The following MMRN2 variants were observed in gnomAD, a reference collection of about 807,000 sequenced individuals.
MMRN2 encodes the protein multimerin 2.
In MMRN2, 53 loss-of-function variants were observed where a neutral mutation model predicts 68.8. That is an observed-to-expected ratio of 0.77 (90% CI 0.62 to 0.97). The LOEUF (loss-of-function observed/expected upper bound fraction) is 0.97. Ranked by LOEUF, MMRN2 falls within the 50% of genes least tolerant of loss-of-function variation. The probability of loss-of-function intolerance (pLI) is 0.00; values close to 1 mark genes in which losing one functional copy is unlikely to be tolerated. For missense variants in MMRN2, 1,266 were observed against 1,259.5 expected (o/e 1.01, Z -0.08); for synonymous variants, 564 against 551.6 (o/e 1.02, Z -0.32).
In MMRN2 at chr10:86,957,566, C is replaced by T; in HGVS notation, c.-25G>A. Reference sequence around the variant, plus strand: ...TCTTGGTGGTGGGGCAGGCTCAGCTCACACTCAGCCTTGGCAAGTAGCTCC... The same window carrying T: ...TCTTGGTGGTGGGGCAGGCTCAGCTTACACTCAGCCTTGGCAAGTAGCTCC... On this transcript the variant is annotated 5_prime_UTR_variant, in exon 1 of 7. Coordinates refer to ENST00000372027, the MANE Select transcript of MMRN2 (RefSeq NM_024756.3). The T allele has an allele frequency of 6.3e-7, 1 of 1,582,366 alleles. No individual in the cohort carries two copies. Among genetic ancestry groups the T allele is most frequent in the Non-Finnish European group, 8.6e-7 (1 of 1,166,274 alleles).
intron 6 of MMRN2, among the ~76,000 whole-genome samples, chr10:86,938,122 C>G (rs572231406): frequency 3.3e-5 from 5 of 151,980 alleles, no homozygotes; most frequent in African/African-American, 4.8e-5. Context: ...TTTGTAGAGA[C>G]AGAGTCTTGC....
At chr10:86,945,759 C>T (rs755140472) in intron 1 of MMRN2, 70 bp from the exon 2 acceptor site, 3 of 1,606,528 alleles carry the variant, frequency 1.9e-6, no homozygotes, top group South Asian at 2.2e-5. Flanking sequence ...AGTGCAGAGC[C>T]ACCGGTCCTC....
rs751166824 is a variant in MMRN2 at position 86,943,769 on chromosome 10, T to G, written c.1015A>C (p.Arg339=). The change falls in exon 6 of 7, where the codon AGG becomes CGG. Residue 339 remains arginine (R), a synonymous_variant. Transcript: ENST00000372027. The surrounding 1 kb of genome is among the most constrained non-coding windows in gnomAD (Gnocchi z 4.2). ...GGGGCCTCCTGAGCCTTGTGCAGCCTCTTCAATTTGGTGTCCACATCGGCT... is the reference window on the plus strand; with the variant it reads ...GGGGCCTCCTGAGCCTTGTGCAGCCGCTTCAATTTGGTGTCCACATCGGCT... The part of the protein sequence containing the change: ...LQADVDTKLK[R]LHKAQEAPGT... The G allele has an allele frequency of 1.2e-6, 2 of 1,608,564 alleles. No individual in the cohort carries two copies. Among genetic ancestry groups the G allele is most frequent in the Admixed American group, 1.7e-5 (1 of 60,026 alleles).
chr10:86,940,327 GAAC>G (rs1843950087), intron 6 of MMRN2, among the ~76,000 whole-genome samples: 1 of 152,076 alleles, frequency 6.6e-6, no homozygotes, highest in Admixed American at 6.6e-5. Flanking sequence ...TTGTTTTTAA[GAAC>G]AACATTTTTT....
At chr10:86,939,674 C>CG (rs1491273943) in intron 6 of MMRN2, among the ~76,000 whole-genome samples, 3 of 151,680 alleles carry the variant, frequency 2.0e-5, no homozygotes, top group Non-Finnish European at 2.9e-5. Flanking sequence ...GAGAGACCCC[C>CG]ACCCCAACCC....
At chr10:86,947,056 T>A (rs1488080824) in intron 1 of MMRN2, among the ~76,000 whole-genome samples, 1 of 151,894 alleles carries the variant, frequency 6.6e-6, no homozygotes, top group African/African-American at 2.4e-5. Flanking sequence ...TGGGAAATCA[T>A]GGAGGGGTTT....
At position 86,957,317 on chromosome 10, in the gene MMRN2, C is replaced by G. The variant is rs1419563686; in HGVS notation, c.164+61G>C. The G allele has an allele frequency of 3.9e-6, 6 of 1,558,148 alleles. No homozygotes were observed. The East Asian group carries it at 1.1e-4, about 29-fold the overall frequency. On this transcript the variant is annotated intron_variant, in intron 1 of 6. Coordinates refer to ENST00000372027, the MANE Select transcript of MMRN2 (RefSeq NM_024756.3). ...CAGTGAGGTCTAGAGAGGCTCTGCTCTAGCTGAGCTGGGACTCAGATCCTA... is the reference window on the plus strand; with the variant it reads ...CAGTGAGGTCTAGAGAGGCTCTGCTGTAGCTGAGCTGGGACTCAGATCCTA...
rs745777245 is a variant in MMRN2 at position 86,944,427 on chromosome 10, C to T, written c.490G>A (p.Ala164Thr). 1.2e-6 allele frequency: 2 copies of T among 1,613,682 alleles called. No homozygotes were observed. Among genetic ancestry groups the T allele is most frequent in the East Asian group, 4.5e-5 (2 of 44,882 alleles). The change falls in exon 5 of 7, where the codon GCT becomes ACT. Residue 164 changes from alanine to threonine, a missense_variant. Ala to Thr is a moderately conservative substitution (Grantham distance 58). Transcript: ENST00000372027. ...GPVSFKPGHL[A>T]AVINEVEVQQ... ...ACCTCAACCTCATTGATCACTGCAG[C>T]AAGGTGGCCTAAATACACAGCAGAC...
intron 4 of MMRN2, 147 bp from the exon 5 acceptor site, chr10:86,944,582 T>G: frequency 1.2e-6 from 1 of 807,872 alleles, no homozygotes; most frequent in East Asian, 2.7e-5. Flanking sequence ...CTTAAACCCC[T>G]GGAGGGCAAA....
Position 86,957,369 on chromosome 10 carries a change from C to T in MMRN2, c.164+9G>A. On this transcript the variant is annotated intron_variant, in intron 1 of 6. Transcript: ENST00000372027. ...TCCATGACCTCTGCCAAGGTCCAGG[C>T]CCTCTTACCGTCCTACGGGGTCCTT... The T allele has an allele frequency of 6.2e-7, 1 of 1,612,606 alleles. No individual in the cohort carries two copies. The highest frequency in any genetic ancestry group is 8.5e-7 in the Non-Finnish European group (1 of 1,179,750).
In MMRN2 at chr10:86,952,894, A is replaced by G. The variant is rs555657508; in HGVS notation, c.164+4484T>C. On this transcript the variant is annotated intron_variant, in intron 1 of 6. Transcript: ENST00000372027. Reference sequence around the variant, plus strand: ...TCAGTCCTTATCACAACCGCATAGGACAGACACTCCCAGAGCGGCCGTTTA... The same window carrying G: ...TCAGTCCTTATCACAACCGCATAGGGCAGACACTCCCAGAGCGGCCGTTTA... Among the ~76,000 whole-genome samples the G allele has an allele frequency of 1.3e-4, 20 of 152,240 alleles. No homozygotes were observed. The East Asian group carries it at 1.7e-3, about 13-fold the overall frequency.
chr10:86,945,338 C>T (rs1363152925), intron 3 of MMRN2, 32 bp downstream of exon 3: 3 of 1,607,432 alleles, frequency 1.9e-6, no homozygotes, highest in African/African-American at 2.7e-5. Context: ...GATCAGAGGT[C>T]AAGGGGGGAA....
chr10:86,948,586 G>A (rs571140711), intron 1 of MMRN2: 1 of 152,232 alleles, frequency 6.6e-6, no homozygotes, highest in Non-Finnish European at 1.5e-5. Context: ...AAAAATAGAC[G>A]ACCAGTCTTG....
chr10:86,945,511 G>A (rs1035520454), intron 2 of MMRN2, 35 bp from the exon 3 acceptor site: 1 of 1,559,232 alleles, frequency 6.4e-7, no homozygotes, highest in African/African-American at 1.4e-5. Flanking sequence ...AGTGATTCCA[G>A]GGAGGGCCCG....
rs756729371 is a variant in MMRN2, at chr10:86,936,882, C to A, written c.2711G>T (p.Ser904Ile). ...GGCAAAGACCGTTGCTGTGCTTCCA[C>A]TCCCCTGCCCAGTGGTACAGACTGG... The part of the protein sequence containing the change: ...RTPVCTTGQG[S>I]GSTATVFAMA... The change falls in exon 7 of 7, where the codon AGT (serine) becomes ATT (isoleucine). Residue 904 changes from serine (S) to isoleucine (I), a missense_variant. Physicochemically the swap from Ser to Ile is moderately radical, Grantham distance 142 (BLOSUM62 -2). Transcript: ENST00000372027. 6.2e-7 allele frequency: 1 copy of A among 1,614,244 alleles called. No individual in the cohort carries two copies. The highest frequency in any genetic ancestry group is 8.5e-7 in the Non-Finnish European group (1 of 1,180,042).
intron 6 of MMRN2, among the ~76,000 whole-genome samples, chr10:86,939,669 A>ACGAGAGACC (rs1843933625): frequency 6.7e-6 from 1 of 150,080 alleles, no homozygotes; most frequent in Admixed American, 6.6e-5. Context: ...GCAGAGAGAG[A>ACGAGAGACC]CCCCCACCCC....
At chr10:86,940,211 T>G (rs1401382052) in intron 6 of MMRN2, among the ~76,000 whole-genome samples, 1 of 152,112 alleles carries the variant, frequency 6.6e-6, no homozygotes, top group Non-Finnish European at 1.5e-5. Flanking sequence ...GGTTTCACCA[T>G]GTTGGCCAGG....
intron 6 of MMRN2, among the ~76,000 whole-genome samples, chr10:86,939,461 CAAAAAAAAAAAAAAAAAAAA>C (rs34692290): frequency 2.7e-5 from 2 of 74,576 alleles, no homozygotes; most frequent in Non-Finnish European, 4.8e-5. Context: ...GACTCCGTCT[CAAAAAAAAAAAAAAAAAAAA>C]AAAAAAAAAA....
Position 86,944,377 on chromosome 10 carries a change from C to A in MMRN2, c.540G>T (p.Leu180=), listed in dbSNP as rs1435319759. 12 of 1,613,724 alleles carry A rather than the reference C, an allele frequency of 7.4e-6. No homozygotes were observed. Among genetic ancestry groups the A allele is most frequent in the African/African-American group, 1.3e-5 (1 of 74,732 alleles). ...GCACATCATTCTGGAGATCTCCCAGCAGATGTTCCTGCTGTTCCTGTTGCA... is the reference window on the plus strand; with the variant it reads ...GCACATCATTCTGGAGATCTCCCAGAAGATGTTCCTGCTGTTCCTGTTGCA... ...VEVQQEQQEH[L]LGDLQNDVHR... The change falls in exon 5 of 7, where the codon CTG becomes CTT. Residue 180 remains leucine, a synonymous_variant. Transcript: ENST00000372027.
Sources: allele counts gnomAD v4.1 joint callset (sites outside exome capture counted in the v4.1 genomes callset), GRCh38; gene constraint gnomAD v4.1.1; non-coding constraint Gnocchi (gnomAD v3.1); transcripts MANE v1.5; gene names NCBI Gene and HGNC (gene_info 2026-07-23, HGNC 2026-07-21).